P4HB: variants seen among roughly 807,000 people sequenced by gnomAD.
P4HB encodes the protein protein disulfide-isomerase.
Under a neutral mutation model 52.6 loss-of-function variants are expected in P4HB, and 20 were observed. That is an observed-to-expected ratio of 0.38 (90% confidence interval 0.27 to 0.55). The LOEUF (loss-of-function observed/expected upper bound fraction) is 0.55, where lower values mean the gene tolerates loss of function less well. Among genes scored for constraint, P4HB ranks in the 20% least tolerant of loss-of-function variants. The pLI, the probability that P4HB is intolerant of heterozygous loss-of-function variation, is 0.74. For synonymous variants in P4HB, 296 were observed against 277.9 expected (o/e 1.07, Z -0.65); for missense variants, 601 against 669.2 (o/e 0.90, Z 1.12).
At chr17:81,847,152 G>A in intron 5 of P4HB, 80 bp from the exon 6 acceptor site, 1 of 1,601,870 alleles carries the variant, frequency 6.2e-7, no homozygotes, top group Non-Finnish European at 8.6e-7. Flanking sequence ...TCCAATGTCA[G>A]ACGCTGGACA....
rs539694334 is a variant in P4HB, at chr17:81,845,551, G to A, written c.1359+10C>T. 11 of 1,582,440 alleles carry A rather than the reference G, an allele frequency of 7.0e-6. No individual in the cohort carries two copies. The highest frequency in any genetic ancestry group is 2.3e-5 in the East Asian group (1 of 44,366). ...AGCCCGCCCCAGCCCCGTCTGGAGGGAAGGCGCACCGTCCTGTCGGCACTG... is the reference window on the plus strand; with the variant it reads ...AGCCCGCCCCAGCCCCGTCTGGAGGAAAGGCGCACCGTCCTGTCGGCACTG... On this transcript the variant is annotated intron_variant, in intron 9 of 10. Transcript: ENST00000331483.
In P4HB at chr17:81,843,361, G is replaced by A. The variant is rs2038682238; in HGVS notation, c.*651C>T. Reference sequence around the variant, plus strand: ...CAGTGGTCACAATGAGCCCACGACAGGAGGAGGAGCCCTGGCTTGAGGGAA... The same window carrying A: ...CAGTGGTCACAATGAGCCCACGACAAGAGGAGGAGCCCTGGCTTGAGGGAA... On this transcript the variant is annotated 3_prime_UTR_variant, in exon 11 of 11. Coordinates refer to ENST00000331483, the MANE Select transcript of P4HB (RefSeq NM_000918.4). 4 of 397,340 alleles carry A rather than the reference G, an allele frequency of 1.0e-5. No individual in the cohort carries two copies. In the South Asian group the frequency reaches 5.7e-4, roughly 56 times the overall value. The allele number at this position is 397,340 out of a possible 1,614,324, so 24.6% of individuals were successfully genotyped here. A position where few individuals can be genotyped will look rare whatever the true frequency, so the allele number is the denominator to read the frequency against.
Position 81,859,271 on chromosome 17 carries a change from A to G in P4HB, c.262T>C (p.Ser88Pro), listed in dbSNP as rs1414214810. The part of the protein sequence containing the change: ...RLAKVDATEE[S>P]DLAQQYGVRG... ...ACGCCGTACTGCTGGGCCAGGTCAGACTCCTCCGTGGCGTCCACCTTGGCC... is the reference window on the plus strand; with the variant it reads ...ACGCCGTACTGCTGGGCCAGGTCAGGCTCCTCCGTGGCGTCCACCTTGGCC... Residue 88 changes from serine to proline, a missense_variant, in exon 2 of 11, where the codon TCT (serine) becomes CCT (proline). Physicochemically the swap from Ser to Pro is moderately conservative, Grantham distance 74. Transcript: ENST00000331483. 6.2e-7 allele frequency: 1 copy of G among 1,612,922 alleles called. No homozygotes were observed. Among genetic ancestry groups the G allele is most frequent in the African/African-American group, 1.3e-5 (1 of 74,550 alleles).
At position 81,860,497 on chromosome 17, in the gene P4HB, T is replaced by C. The variant is rs2038983471; in HGVS notation, c.-26A>G. 4 of 1,248,398 alleles carry C rather than the reference T, an allele frequency of 3.2e-6. No homozygotes were observed. The highest frequency in any genetic ancestry group is 4.0e-6 in the Non-Finnish European group (4 of 994,378). 77.3% of individuals were successfully genotyped at this position (1,248,398 alleles called of 1,614,324 possible). On this transcript the variant is annotated 5_prime_UTR_variant, in exon 1 of 11. Transcript: ENST00000331483. ...GTCGGACACGGATCAGGCGGGGCGC[T>C]TCGGTTGGCGCCGCCGGGACAGCGG...
chr17:81,846,825 C>T lies in P4HB; in HGVS notation c.855+122G>A. The T allele has an allele frequency of 7.4e-7, 1 of 1,359,082 alleles. No homozygotes were observed. Among genetic ancestry groups the T allele is most frequent in the South Asian group, 1.3e-5 (1 of 78,340 alleles). The allele number at this position is 1,359,082 out of a possible 1,614,324, so 84.2% of individuals were successfully genotyped here. A position where few individuals can be genotyped will look rare whatever the true frequency, so the allele number is the denominator to read the frequency against. ...GCCCCTCGCCTACATCCAGGCTGTC[C>T]TGAATCAGGTGCCCGATCCAGTCCA... On this transcript the variant is annotated intron_variant, in intron 6 of 10. Coordinates refer to ENST00000331483, the MANE Select transcript of P4HB (RefSeq NM_000918.4). This position sits in a 1 kb window ranked among gnomAD's most constrained non-coding sequence, Gnocchi z 5.7.
Position 81,847,092 on chromosome 17 carries a change from T to TTTATA in P4HB, c.730-21_730-20insTATAA. On this transcript the variant is annotated intron_variant, in intron 5 of 10. Coordinates refer to ENST00000331483, the MANE Select transcript of P4HB (RefSeq NM_000918.4). ...GGCTGTCTGTGTTATAAACTTAAGTTACTGGGTCTGAGTCACACACTATTA... is the reference window on the plus strand; with the variant it reads ...GGCTGTCTGTGTTATAAACTTAAGTTTTATAACTGGGTCTGAGTCACACACTATTA... The TTTATA allele has an allele frequency of 1.2e-6, 2 of 1,613,844 alleles. No homozygotes were observed. The highest frequency in any genetic ancestry group is 1.7e-6 in the Non-Finnish European group (2 of 1,179,900).
chr17:81,852,235 T>C (rs985256567), intron 4 of P4HB, among the ~76,000 whole-genome samples: 3 of 152,050 alleles, frequency 2.0e-5, no homozygotes, highest in Non-Finnish European at 2.9e-5. Context: ...AAAAGTGAAA[T>C]ATCAGAAGCT....
In P4HB at chr17:81,859,173, A is replaced by C; in HGVS notation, c.352+8T>G. 1 of 1,612,798 alleles carries C rather than the reference A, an allele frequency of 6.2e-7. No individual in the cohort carries two copies. Among genetic ancestry groups the C allele is most frequent in the Middle Eastern group, 1.6e-4 (1 of 6,062 alleles). ...AAAGACAGTTCAAGGGCAGTGCCAC[A>C]GCCACACCTGTATATTCCTTGGGGG... is the stretch of plus-strand genomic sequence containing the variant. On this transcript the variant is annotated splice_region_variant and intron_variant, in intron 2 of 10. Coordinates refer to ENST00000331483, the MANE Select transcript of P4HB (RefSeq NM_000918.4).
At chr17:81,860,280 G>T (rs1046606168) in intron 1 of P4HB, 47 bp downstream of exon 1, 3 of 1,362,328 alleles carry the variant, frequency 2.2e-6, no homozygotes, top group Non-Finnish European at 2.9e-6. Flanking sequence ...CCAAGAGCCT[G>T]GCTCAGCGGC....
chr17:81,855,583 C>T lies in P4HB; in HGVS notation c.356G>A (p.Gly119Asp). Residue 119 changes from glycine to aspartate, a missense_variant, in exon 3 of 11, where the codon GGC (glycine) becomes GAC (aspartate). Coordinates refer to ENST00000331483, the MANE Select transcript of P4HB (RefSeq NM_000918.4). The surrounding 1 kb of genome is among the most constrained non-coding windows in gnomAD (Gnocchi z 4.3). ...GTTCACGATGTCATCAGCCTCTCTG[C>T]CAGCTAACCCCAAACAAATGTAGGT... The part of the protein sequence containing the change: ...DTASPKEYTA[G>D]READDIVNWL... 2 of 1,612,586 alleles carry T rather than the reference C, an allele frequency of 1.2e-6. No homozygotes were observed. The highest frequency in any genetic ancestry group is 1.7e-6 in the Non-Finnish European group (2 of 1,179,292).
At chr17:81,847,905 CTTTT>C (rs1193629056) in intron 4 of P4HB, 5 of 123,124 alleles carry the variant, frequency 4.1e-5, no homozygotes, top group South Asian at 2.6e-4. Flanking sequence ...AGGTCTTGAT[CTTTT>C]TTTTTTTTTT....
rs775955447 is a variant in P4HB, at chr17:81,846,598, G to T, written c.887C>A (p.Thr296Asn). The T allele has an allele frequency of 1.9e-6, 3 of 1,614,044 alleles. No individual in the cohort carries two copies. Among genetic ancestry groups the T allele is most frequent in the Non-Finnish European group, 1.7e-6 (2 of 1,180,030 alleles). The change falls in exon 7 of 11, where the codon ACC becomes AAC. Residue 296 changes from threonine (T) to asparagine (N), a missense_variant. By Grantham distance (65) the Thr-to-Asn change is moderately conservative. Coordinates refer to ENST00000331483, the MANE Select transcript of P4HB (RefSeq NM_000918.4). The surrounding 1 kb of genome is among the most constrained non-coding windows in gnomAD (Gnocchi z 5.7). ...ILFIFIDSDH[T>N]DNQRILEFFG... is the part of the protein sequence containing the mutation. ...GAACTCGAGGATGCGCTGGTTGTCG[G>T]TGTGGTCGCTGTCGATGAAGATGAA...
rs1007619982 is a variant in P4HB, at chr17:81,843,714, C to G, written c.*298G>C. 9.1e-6 allele frequency: 4 copies of G among 439,720 alleles called. No homozygotes were observed. The South Asian group carries it at 2.4e-4, about 26-fold the overall frequency. The allele number at this position is 439,720 out of a possible 1,614,324, so 27.2% of individuals were successfully genotyped here. On this transcript the variant is annotated 3_prime_UTR_variant, in exon 11 of 11. Coordinates refer to ENST00000331483, the MANE Select transcript of P4HB (RefSeq NM_000918.4). The stretch of plus-strand genomic sequence containing the variant: ...GGGAGGGAGGCAGCGAGACTCCGAA[C>G]ACGGTAGCAAGCACTCTGGACAGAC...
At chr17:81,858,257 C>CAAAA (rs901002093) in intron 2 of P4HB, among the ~76,000 whole-genome samples, 2 of 38,780 alleles carry the variant, frequency 5.2e-5, no homozygotes, top group Admixed American at 2.6e-4. Flanking sequence ...GAGACTGTCT[C>CAAAA]AAAAAAAAAA....
intron 2 of P4HB, among the ~76,000 whole-genome samples, chr17:81,856,339 T>C (rs1198547240): frequency 3.3e-5 from 5 of 150,900 alleles, no homozygotes; most frequent in Admixed American, 1.3e-4. Context: ...ACTAACTTTT[T>C]TTTTTTTTTT....
rs369513834 is a variant in P4HB at position 81,847,123 on chromosome 17, G to A, written c.730-51C>T. ...GTCTGAGTCACACACTATTAATGCAGAAGATTCTCCCAATGGCCTCCAATG... is the reference window on the plus strand; with the variant it reads ...GTCTGAGTCACACACTATTAATGCAAAAGATTCTCCCAATGGCCTCCAATG... On this transcript the variant is annotated intron_variant, in intron 5 of 10. Coordinates refer to ENST00000331483, the MANE Select transcript of P4HB (RefSeq NM_000918.4). 2.0e-5 allele frequency: 33 copies of A among 1,611,488 alleles called. No homozygotes were observed. In the African/African-American group the frequency reaches 4.0e-4, roughly 20 times the overall value.
In P4HB at chr17:81,846,195, C is replaced by T. The variant is rs2038733028; in HGVS notation, c.1057-204G>A. 6.6e-6 allele frequency among the ~76,000 whole-genome samples: 1 copy of T among 152,256 alleles called. No homozygotes were observed. The highest frequency in any genetic ancestry group is 6.5e-5 in the Admixed American group (1 of 15,286). On this transcript the variant is annotated intron_variant, in intron 7 of 10. Coordinates refer to ENST00000331483, the MANE Select transcript of P4HB (RefSeq NM_000918.4). This position sits in a 1 kb window ranked among gnomAD's most constrained non-coding sequence, Gnocchi z 5.7. ...CCAATGAGCCCACGCAGGCCGCACC[C>T]TCGCCGGCCAGGAGGTTTCCCTGAG...
intron 1 of P4HB, chr17:81,859,775 G>A (rs2038968718): frequency 3.4e-6 from 1 of 291,642 alleles, no homozygotes; most frequent in African/African-American, 2.2e-5. Context: ...ACCAGCACTA[G>A]CTGTGAGTAT....
chr17:81,852,427 G>A (rs1352011410), intron 4 of P4HB, among the ~76,000 whole-genome samples: 2 of 152,206 alleles, frequency 1.3e-5, no homozygotes, highest in Non-Finnish European at 2.9e-5. Context: ...GAGGGATGGG[G>A]GTTAACAGCC....
Sources: gnomAD v4.1 joint callset for allele counts (sites outside exome capture counted in the v4.1 genomes callset) on GRCh38, gnomAD v4.1.1 for gene constraint, Gnocchi (gnomAD v3.1) non-coding constraint, MANE v1.5 for transcripts, NCBI Gene and HGNC (gene_info 2026-07-23, HGNC 2026-07-21) for gene names.